The following PEMT variants were observed in gnomAD, a reference collection of about 807,000 sequenced individuals.
PEMT encodes the protein phospholipid methyltransferase.
Under a neutral mutation model 27.4 loss-of-function variants are expected in PEMT, and 23 were observed. That is an observed-to-expected ratio of 0.84 (90% CI 0.60 to 1.19). The LOEUF (loss-of-function observed/expected upper bound fraction) is 1.19. PEMT is among the 50% of genes most tolerant of loss of function. The pLI, the probability that PEMT is intolerant of heterozygous loss-of-function variation, is 0.00. For missense variants in PEMT, 307 were observed against 310.1 expected, an observed-to-expected ratio of 0.99 and a Z score of 0.07; for synonymous variants, 137 against 139.1, an observed-to-expected ratio of 0.98 and a Z score of 0.11.
At chr17:17,522,466 T>C (rs571717010) in intron 2 of PEMT, 71 bp from the exon 3 acceptor site, 3 of 913,998 alleles carry the variant, frequency 3.3e-6, no homozygotes, top group African/African-American at 1.6e-5. Flanking sequence ...GGGGAGCACA[T>C]GCCTCTCTCT....
At chr17:17,511,836 C>G (rs911517942) in intron 4 of PEMT, among the ~76,000 whole-genome samples, 1 of 151,184 alleles carries the variant, frequency 6.6e-6, no homozygotes. Flanking sequence ...CCCCTACTGC[C>G]TTTCCCATGG....
At chr17:17,569,470 G>C (rs1185306161) in intron 2 of PEMT, among the ~76,000 whole-genome samples, 1 of 152,220 alleles carries the variant, frequency 6.6e-6, no homozygotes, top group African/African-American at 2.4e-5. Flanking sequence ...CACCCAGGGA[G>C]AGCAGAAAGC....
chr17:17,527,370 G>A (rs1042694979), intron 2 of PEMT, among the ~76,000 whole-genome samples: 4 of 152,208 alleles, frequency 2.6e-5, no homozygotes, highest in African/African-American at 4.8e-5. Flanking sequence ...TTTGAAGTGA[G>A]ACACGGCTCC....
chr17:17,570,455 C>T, intron 2 of PEMT: 1 of 938,648 alleles, frequency 1.1e-6, no homozygotes, highest in Non-Finnish European at 1.3e-6. Flanking sequence ...TGGGCAGAGG[C>T]CGGGGACATT....
chr17:17,572,761 C>A (rs954627393), intron 2 of PEMT, among the ~76,000 whole-genome samples: 1 of 152,252 alleles, frequency 6.6e-6, no homozygotes, highest in Non-Finnish European at 1.5e-5. Context: ...CCTCTTCAAG[C>A]TTCAGTCTCC....
chr17:17,506,023 G>A (rs925576038), intron 6 of PEMT, among the ~76,000 whole-genome samples, 175 bp from the exon 7 acceptor site: 2 of 152,206 alleles, frequency 1.3e-5, no homozygotes. Context: ...AGGCGGGAGA[G>A]GGGAGGGGAG....
In PEMT at chr17:17,509,683, TCAA is replaced by T. The variant is rs1395130040; in HGVS notation, c.467-141_467-139del. 8.9e-6 allele frequency: 6 copies of T among 672,340 alleles called. No individual in the cohort carries two copies. In the African/African-American group the frequency reaches 9.2e-5, roughly 10 times the overall value. 41.6% of individuals were successfully genotyped at this position (672,340 alleles called of 1,614,324 possible). A position where few individuals can be genotyped will look rare whatever the true frequency, so the allele number is the denominator to read the frequency against. ...TGCCCTCCAGGAGACTTCAGAGAGT[TCAA>T]CAATGGGCAGAGTCAGAGGGACCCA... On this transcript the variant is annotated intron_variant, in intron 4 of 6. Transcript: ENST00000255389.
At chr17:17,559,009 C>T (rs1910272847) in intron 2 of PEMT, among the ~76,000 whole-genome samples, 3 of 152,218 alleles carry the variant, frequency 2.0e-5, no homozygotes, top group African/African-American at 7.2e-5. Context: ...TGCATCCCTG[C>T]CATGGTTGCA....
rs1906490774 is a variant in PEMT at position 17,512,549 on chromosome 17, G to C, written c.426C>G (p.Leu142=). The C allele has an allele frequency of 6.2e-7, 1 of 1,608,400 alleles. No individual in the cohort carries two copies. Residue 142 remains leucine, a synonymous_variant, in exon 4 of 7, where the codon CTC becomes CTG. Transcript: ENST00000255389. This position sits in a 1 kb window ranked among gnomAD's most constrained non-coding sequence, Gnocchi z 6.3. ...CGAACCCCAGTGCAAAGAAGCTGGAGAGCACGAGCACGACGCCCAGTCCCA... is the reference window on the plus strand; with the variant it reads ...CGAACCCCAGTGCAAAGAAGCTGGACAGCACGAGCACGACGCCCAGTCCCA... ...ALLGLGVVLV[L]SSFFALGFAG... is the part of the protein sequence containing the mutation.
chr17:17,548,592 A>G lies in PEMT; in HGVS notation c.205-26197T>C, dbSNP rs549477982. ...AGACGCAGTTTCGCTCTTGTTGCCC[A>G]GGCTGGAGTGCAATGGCACGATCTC... On this transcript the variant is annotated intron_variant, in intron 2 of 6. Coordinates refer to ENST00000255389, the MANE Select transcript of PEMT (RefSeq NM_148172.3). 1.1e-3 allele frequency among the ~76,000 whole-genome samples: 162 copies of G among 152,142 alleles called. 1 individual carries two copies. The highest frequency in any genetic ancestry group is 3.8e-3 in the African/African-American group (158 of 41,502).
intron 1 of PEMT, among the ~76,000 whole-genome samples, chr17:17,581,265 C>T (rs1389844262): frequency 6.6e-6 from 1 of 152,144 alleles, no homozygotes; most frequent in East Asian, 1.9e-4. Flanking sequence ...TAAGGAGGCC[C>T]TCACTCTAGG....
chr17:17,527,426 C>A (rs1374878372), intron 2 of PEMT, among the ~76,000 whole-genome samples: 1 of 152,240 alleles, frequency 6.6e-6, no homozygotes, highest in Non-Finnish European at 1.5e-5. Flanking sequence ...ACCCCAGTGC[C>A]CAGCAGGGCA....
chr17:17,537,663 G>C (rs1255370730), intron 2 of PEMT, among the ~76,000 whole-genome samples: 1 of 152,248 alleles, frequency 6.6e-6, no homozygotes, highest in Non-Finnish European at 1.5e-5. Flanking sequence ...ATAAGATAGA[G>C]TGGGAGAAAG....
At chr17:17,572,041 C>T (rs1889006382) in intron 2 of PEMT, among the ~76,000 whole-genome samples, 1 of 152,194 alleles carries the variant, frequency 6.6e-6, no homozygotes, top group Non-Finnish European at 1.5e-5. Flanking sequence ...GTGTCTGACA[C>T]AGGCAAAACC....
At chr17:17,586,658 G>T (rs951486531) in intron 1 of PEMT, among the ~76,000 whole-genome samples, 4 of 152,204 alleles carry the variant, frequency 2.6e-5, no homozygotes, top group African/African-American at 9.6e-5. Context: ...GCTTCTATTA[G>T]TAAGGAAGAA....
intron 1 of PEMT, among the ~76,000 whole-genome samples, chr17:17,584,732 T>A (rs1912150755): frequency 6.6e-6 from 1 of 152,212 alleles, no homozygotes; most frequent in Non-Finnish European, 1.5e-5. Context: ...CAGCCAACCT[T>A]CACTCGGAAG....
chr17:17,550,743 G>A (rs1909603603), intron 2 of PEMT, among the ~76,000 whole-genome samples: 1 of 152,182 alleles, frequency 6.6e-6, no homozygotes, highest in Non-Finnish European at 1.5e-5. Context: ...ACAGGACGCC[G>A]TTCCATCACA....
intron 2 of PEMT, among the ~76,000 whole-genome samples, chr17:17,541,727 A>G (rs1002961963): frequency 6.6e-6 from 1 of 152,250 alleles, no homozygotes; most frequent in Non-Finnish European, 1.5e-5. Flanking sequence ...AACCTGCCCA[A>G]GAAGGCTCCT....
intron 2 of PEMT, among the ~76,000 whole-genome samples, chr17:17,575,800 C>A (rs1911546723): frequency 6.6e-6 from 1 of 152,204 alleles, no homozygotes; most frequent in Non-Finnish European, 1.5e-5. Flanking sequence ...GTGTGTCCAG[C>A]ATGTTCAGGA....
Sources: allele counts gnomAD v4.1 joint callset (sites outside exome capture counted in the v4.1 genomes callset), GRCh38; gene constraint gnomAD v4.1.1; non-coding constraint Gnocchi (gnomAD v3.1); transcripts MANE v1.5; gene names NCBI Gene and HGNC (gene_info 2026-07-23, HGNC 2026-07-21).